The following ROBO2 variants were observed in gnomAD, a reference collection of about 807,000 sequenced individuals.
ROBO2 encodes roundabout homolog 2.
Under a neutral mutation model 160.8 loss-of-function variants are expected in ROBO2, and 53 were observed. The observed-to-expected ratio is 0.33, with a 90% CI of 0.26 to 0.41. ROBO2 has a LOEUF of 0.41. ROBO2 is among the 10% of genes least tolerant of loss of function. The probability of loss-of-function intolerance (pLI) is 1.00; values close to 1 mark genes in which losing one functional copy is unlikely to be tolerated. For missense variants in ROBO2, 1,577 were observed against 1,722.4 expected (o/e 0.92, Z 1.49); for synonymous variants, 664 against 611.7 (o/e 1.09, Z -1.26).
At chr3:76,060,712 T>C (rs1159111295) in intron 2 of ROBO2, among the ~76,000 whole-genome samples, 1 of 152,220 alleles carries the variant, frequency 6.6e-6, no homozygotes, top group East Asian at 1.9e-4. Context: ...GTCACACCAA[T>C]GTTACAACTC....
intron 2 of ROBO2, among the ~76,000 whole-genome samples, chr3:76,887,434 A>G (rs1293457100): frequency 3.3e-5 from 5 of 151,154 alleles, no homozygotes; most frequent in Admixed American, 6.6e-5. Context: ...AGAGTTGAAA[A>G]CCCTTTTTCA....
intron 2 of ROBO2, among the ~76,000 whole-genome samples, chr3:76,400,578 G>A (rs761626018): frequency 4.6e-5 from 7 of 151,432 alleles, no homozygotes; most frequent in Non-Finnish European, 1.0e-4. Context: ...TAAAATATAT[G>A]GTAATTTGTA....
intron 19 of ROBO2, among the ~76,000 whole-genome samples, chr3:77,598,192 T>C (rs1335775438): frequency 2.0e-5 from 3 of 152,056 alleles, no homozygotes; most frequent in South Asian, 2.1e-4. Context: ...TGTATGAGTA[T>C]ATAACCAGAT....
intron 2 of ROBO2, among the ~76,000 whole-genome samples, chr3:77,434,976 G>A (rs1560823869): frequency 6.6e-6 from 1 of 151,816 alleles, no homozygotes; most frequent in Non-Finnish European, 1.5e-5. Flanking sequence ...ATTTTCTTAG[G>A]GCAATGAGAT....
chr3:77,310,910 T>C (rs1009536564), intron 2 of ROBO2, among the ~76,000 whole-genome samples: 2 of 152,046 alleles, frequency 1.3e-5, no homozygotes, highest in South Asian at 4.2e-4. Context: ...AATACAGCCT[T>C]TTGGTCATGA....
At chr3:77,409,103 G>GTATATATATATA (rs57350639) in intron 2 of ROBO2, among the ~76,000 whole-genome samples, 13 of 129,640 alleles carry the variant, frequency 1.0e-4, no homozygotes, top group East Asian at 2.4e-4. Flanking sequence ...ATATATATAT[G>GTATATATATATA]TATATATATA....
At chr3:76,435,921 T>G (rs941997468) in intron 2 of ROBO2, among the ~76,000 whole-genome samples, 2 of 152,178 alleles carry the variant, frequency 1.3e-5, no homozygotes, top group African/African-American at 4.8e-5. Context: ...GGGGTTGCAC[T>G]GGACCAAAGG....
At chr3:76,143,859 C>T (rs1042844795) in intron 2 of ROBO2, among the ~76,000 whole-genome samples, 4 of 152,002 alleles carry the variant, frequency 2.6e-5, no homozygotes, top group African/African-American at 7.2e-5. Flanking sequence ...TTGAAGGCCT[C>T]GGGGCCAGGA....
Position 76,221,941 on chromosome 3 carries a change from G to A in ROBO2, c.109+284339G>A, listed in dbSNP as rs570223525. 2.6e-5 allele frequency among the ~76,000 whole-genome samples: 4 copies of A among 152,254 alleles called. No homozygotes were observed. In the East Asian group the frequency reaches 5.8e-4, roughly 22 times the overall value. ...AGCACAAAATGCTGCCACTTCCATA[G>A]TGGAAGCAGTCTAATGTAGATAAAC... On this transcript the variant is annotated intron_variant, in intron 2 of 26. Coordinates refer to the ROBO2 transcript ENST00000487694.
At chr3:76,889,210 C>G (rs1474963141) in intron 2 of ROBO2, among the ~76,000 whole-genome samples, 1 of 152,182 alleles carries the variant, frequency 6.6e-6, no homozygotes, top group African/African-American at 2.4e-5. Context: ...ATGAGACTGA[C>G]TCACTTGCTT....
intron 2 of ROBO2, among the ~76,000 whole-genome samples, chr3:76,187,078 C>T (rs1701799774): frequency 7.1e-6 from 1 of 140,934 alleles, no homozygotes; most frequent in Admixed American, 7.1e-5. Flanking sequence ...AAAAAAAAAA[C>T]TTTGTCAATT....
intron 8 of ROBO2, among the ~76,000 whole-genome samples, chr3:77,554,765 A>G (rs2093050238): frequency 6.6e-6 from 1 of 152,034 alleles, no homozygotes; most frequent in Non-Finnish European, 1.5e-5. Flanking sequence ...AGGGATGACC[A>G]AAGAAAGTGA....
chr3:77,172,305 G>T (rs923082494), intron 2 of ROBO2, among the ~76,000 whole-genome samples: 3 of 152,068 alleles, frequency 2.0e-5, no homozygotes, highest in African/African-American at 7.2e-5. Flanking sequence ...AAAATAATTG[G>T]CTACCTAATG....
At chr3:76,953,147 A>G (rs1427772848) in intron 2 of ROBO2, among the ~76,000 whole-genome samples, 2 of 152,218 alleles carry the variant, frequency 1.3e-5, no homozygotes, top group African/African-American at 2.4e-5. Flanking sequence ...CCATCTTACT[A>G]GCTTGAGAAG....
intron 2 of ROBO2, among the ~76,000 whole-genome samples, chr3:77,109,373 A>ATT (rs11440407): frequency 2.2e-4 from 34 of 151,912 alleles, no homozygotes; most frequent in African/African-American, 5.6e-4. Flanking sequence ...TATGTTGTGC[A>ATT]TTTTTTTTGC....
intron 2 of ROBO2, among the ~76,000 whole-genome samples, chr3:76,521,131 C>A (rs541612124): frequency 6.7e-6 from 1 of 149,570 alleles, no homozygotes; most frequent in Admixed American, 6.7e-5. Context: ...TCACCGCAAC[C>A]TTTGCCTTTC....
chr3:77,356,602 G>C (rs1201950753), intron 2 of ROBO2, among the ~76,000 whole-genome samples: 1 of 152,114 alleles, frequency 6.6e-6, no homozygotes, highest in Non-Finnish European at 1.5e-5. Context: ...AATTGATTTA[G>C]CATAAGTTTT....
At chr3:76,774,966 T>G (rs1040538089) in intron 2 of ROBO2, among the ~76,000 whole-genome samples, 11 of 150,656 alleles carry the variant, frequency 7.3e-5, no homozygotes, top group Admixed American at 4.0e-4. Context: ...GTTTTGGGAT[T>G]AATTGGATTT....
intron 2 of ROBO2, among the ~76,000 whole-genome samples, chr3:77,154,858 A>G (rs2077858971): frequency 6.6e-6 from 1 of 151,830 alleles, no homozygotes; most frequent in Non-Finnish European, 1.5e-5. Flanking sequence ...GAAACTGGGG[A>G]CTTATAGATG....
Sources: gnomAD v4.1 joint callset for allele counts (sites outside exome capture counted in the v4.1 genomes callset) on GRCh38, gnomAD v4.1.1 for gene constraint, MANE v1.5 for transcripts, NCBI Gene and HGNC (gene_info 2026-07-23, HGNC 2026-07-21) for gene names.